The following AGPS variants were observed in gnomAD, a reference collection of about 807,000 sequenced individuals.
AGPS encodes the protein alkylglycerone phosphate synthase, also known as alkyldihydroxyacetonephosphate synthase, peroxisomal.
Under a neutral mutation model 90.7 loss-of-function variants are expected in AGPS, and 26 were observed. The observed-to-expected ratio is 0.29, with a 90% CI of 0.21 to 0.40. The LOEUF is 0.40. Ranked by LOEUF, AGPS falls within the 10% of genes least tolerant of loss-of-function variation. The pLI is 1.00. For synonymous variants in AGPS, 294 were observed against 285.3 expected (o/e 1.03, Z -0.31); for missense variants, 540 against 816.1 (o/e 0.66, Z 4.12).
intron 11 of AGPS, among the ~76,000 whole-genome samples, chr2:177,491,768 C>G (rs112020304): frequency 8.4e-6 from 1 of 119,194 alleles, no homozygotes; most frequent in African/African-American, 3.3e-5. Context: ...CTTCCCCCCC[C>G]CCCCCTTTTT....
chr2:177,488,771 A>T (rs1688167926), intron 11 of AGPS, among the ~76,000 whole-genome samples: 1 of 152,166 alleles, frequency 6.6e-6, no homozygotes, highest in Non-Finnish European at 1.5e-5. Context: ...TCTACATAGG[A>T]TGTGGATTTA....
At chr2:177,394,088 T>C (rs1233353458) in intron 1 of AGPS, among the ~76,000 whole-genome samples, 4 of 152,206 alleles carry the variant, frequency 2.6e-5, no homozygotes, top group Non-Finnish European at 4.4e-5. Flanking sequence ...GCACATCAAA[T>C]TGACTTCATG....
intron 8 of AGPS, among the ~76,000 whole-genome samples, chr2:177,459,752 T>C (rs1204707187): frequency 6.6e-6 from 1 of 152,206 alleles, no homozygotes; most frequent in Non-Finnish European, 1.5e-5. Context: ...TGGAAGACAG[T>C]GTGGCAATTT....
chr2:177,523,883 C>T, intron 19 of AGPS, 78 bp downstream of exon 19: 1 of 1,211,678 alleles, frequency 8.3e-7, no homozygotes, highest in Non-Finnish European at 1.2e-6. Context: ...TAGGGAGAGA[C>T]ATGGTATGAA....
At chr2:177,528,268 G>A (rs2079107162) in intron 19 of AGPS, among the ~76,000 whole-genome samples, 1 of 152,106 alleles carries the variant, frequency 6.6e-6, no homozygotes, top group African/African-American at 2.4e-5. Flanking sequence ...CTCTGCTACT[G>A]TATTCTCATT....
intron 10 of AGPS, among the ~76,000 whole-genome samples, chr2:177,473,931 T>A (rs957817991): frequency 6.6e-6 from 1 of 152,216 alleles, no homozygotes; most frequent in Non-Finnish European, 1.5e-5. Context: ...ATTTATAAAT[T>A]TATGGTGAGT....
chr2:177,435,450 C>T (rs191092293), intron 3 of AGPS, among the ~76,000 whole-genome samples: 1 of 152,098 alleles, frequency 6.6e-6, no homozygotes, highest in Non-Finnish European at 1.5e-5. Context: ...AATCCACATA[C>T]TATAGTTAGA....
intron 19 of AGPS, among the ~76,000 whole-genome samples, chr2:177,528,005 T>C (rs1444425304): frequency 3.3e-5 from 5 of 152,242 alleles, no homozygotes; most frequent in Admixed American, 2.6e-4. Context: ...GGTATGCTGA[T>C]AAAATGAAGA....
At chr2:177,411,289 C>T (rs1490293715) in intron 1 of AGPS, among the ~76,000 whole-genome samples, 6 of 152,204 alleles carry the variant, frequency 3.9e-5, no homozygotes, top group African/African-American at 1.4e-4. Flanking sequence ...GAGAGCTATG[C>T]TTCCTCAGTG....
chr2:177,488,479 G>T (rs1574003209), intron 11 of AGPS, among the ~76,000 whole-genome samples: 2 of 152,108 alleles, frequency 1.3e-5, no homozygotes, highest in East Asian at 3.8e-4. Context: ...GCCTCCCAAA[G>T]TGCTGGGATT....
intron 9 of AGPS, among the ~76,000 whole-genome samples, chr2:177,464,380 C>T (rs764163966): frequency 6.6e-6 from 1 of 152,078 alleles, no homozygotes; most frequent in Non-Finnish European, 1.5e-5. Context: ...ACAATGGAAC[C>T]TGTGAAAAAA....
chr2:177,481,369 T>A (rs1416675643), intron 10 of AGPS, among the ~76,000 whole-genome samples: 1 of 151,924 alleles, frequency 6.6e-6, no homozygotes, highest in African/African-American at 2.4e-5. Context: ...TTTAATCTTT[T>A]TTTACTTTTT....
At chr2:177,512,386 T>A (rs1411727622) in intron 16 of AGPS, among the ~76,000 whole-genome samples, 4 of 152,174 alleles carry the variant, frequency 2.6e-5, no homozygotes, top group Non-Finnish European at 5.9e-5. Context: ...AAAATTAGAT[T>A]TTATAAAACT....
chr2:177,533,898 AC>A (rs1574039161), intron 19 of AGPS, among the ~76,000 whole-genome samples: 1 of 152,196 alleles, frequency 6.6e-6, no homozygotes, highest in East Asian at 1.9e-4. Context: ...GGATACTCAA[AC>A]TAGAACTTTC....
chr2:177,436,634 A>G (rs1255473184), intron 3 of AGPS, 130 bp from the exon 4 acceptor site: 14 of 842,546 alleles, frequency 1.7e-5, no homozygotes, highest in Non-Finnish European at 7.6e-6. Context: ...GTTGTGTTGT[A>G]TTTTCCTATG....
chr2:177,422,476 T>C (rs1194677415), intron 2 of AGPS, among the ~76,000 whole-genome samples: 11 of 152,122 alleles, frequency 7.2e-5, no homozygotes, highest in Admixed American at 7.2e-4. Flanking sequence ...CATTGTTGAC[T>C]CCTAAGTCAG....
intron 14 of AGPS, 79 bp from the exon 15 acceptor site, chr2:177,505,427 T>C (rs1000399615): frequency 1.1e-5 from 14 of 1,260,776 alleles, no homozygotes; most frequent in Admixed American, 1.7e-5. Flanking sequence ...AAACTTATTC[T>C]CTTGACAGCT....
chr2:177,460,257 A>G (rs755950625), intron 8 of AGPS, among the ~76,000 whole-genome samples: 8 of 152,164 alleles, frequency 5.3e-5, no homozygotes, highest in African/African-American at 9.7e-5. Flanking sequence ...TGGCATGTGT[A>G]TACCTATGTA....
chr2:177,403,734 T>C (rs1685391356), intron 1 of AGPS, among the ~76,000 whole-genome samples: 1 of 152,230 alleles, frequency 6.6e-6, no homozygotes, highest in African/African-American at 2.4e-5. Context: ...TAATAATGTC[T>C]TGAAATTGCC....
Sources: allele counts gnomAD v4.1 joint callset (sites outside exome capture counted in the v4.1 genomes callset), GRCh38; gene constraint gnomAD v4.1.1; transcripts MANE v1.5; gene names NCBI Gene and HGNC (gene_info 2026-07-23, HGNC 2026-07-21).